Variants in HHAT observed in about 807,000 individuals in gnomAD.
HHAT encodes the protein hedgehog acyltransferase.
A neutral mutation model predicts 70.8 loss-of-function variants in HHAT; 47 were observed. The ratio of observed to expected loss-of-function variants is 0.66; its 90% CI spans 0.53 to 0.85. The LOEUF (loss-of-function observed/expected upper bound fraction) is 0.85, where lower values mean the gene tolerates loss of function less well. Among genes scored for constraint, HHAT ranks in the 40% least tolerant of loss-of-function variants. The probability of loss-of-function intolerance (pLI) is 0.00; values close to 1 mark genes in which losing one functional copy is unlikely to be tolerated. For synonymous variants in HHAT, 228 were observed against 247.6 expected, an observed-to-expected ratio of 0.92 and a Z score of 0.74; for missense variants, 609 against 604.8, an observed-to-expected ratio of 1.01 and a Z score of -0.07.
At chr1:210,637,984 A>G (rs1459652559) in intron 11 of HHAT, among the ~76,000 whole-genome samples, 1 of 152,232 alleles carries the variant, frequency 6.6e-6, no homozygotes, top group Non-Finnish European at 1.5e-5. Context: ...GCACATTAAA[A>G]CCGCAATAAG....
At chr1:210,433,232 C>T (rs1411031549) in intron 7 of HHAT, among the ~76,000 whole-genome samples, 1 of 151,764 alleles carries the variant, frequency 6.6e-6, no homozygotes, top group Non-Finnish European at 1.5e-5. Flanking sequence ...CTTTCTCCTG[C>T]AGCACTCACA....
At chr1:210,563,419 A>G (rs2095641741) in intron 9 of HHAT, among the ~76,000 whole-genome samples, 1 of 152,204 alleles carries the variant, frequency 6.6e-6, no homozygotes, top group Non-Finnish European at 1.5e-5. Flanking sequence ...AGGTGAAATC[A>G]GAGTAGAGTG....
intron 6 of HHAT, among the ~76,000 whole-genome samples, chr1:210,409,424 C>T (rs1363614290): frequency 6.6e-6 from 1 of 152,150 alleles, no homozygotes; most frequent in East Asian, 1.9e-4. Context: ...CTGCAGGCCC[C>T]ACTTGCTGTT....
At chr1:210,593,652 G>A (rs1262163683) in intron 10 of HHAT, among the ~76,000 whole-genome samples, 3 of 152,112 alleles carry the variant, frequency 2.0e-5, no homozygotes, top group Admixed American at 2.0e-4. Context: ...TGCAGCCATT[G>A]GTACAGAAAT....
intron 7 of HHAT, among the ~76,000 whole-genome samples, chr1:210,460,691 C>A (rs78595848): frequency 0.014 from 2,141 of 152,110 alleles, 65 homozygotes; most frequent in African/African-American, 0.049. Context: ...GAGATGAGAC[C>A]ATATTTGAGC....
chr1:210,520,228 G>A (rs1220637102), intron 9 of HHAT, among the ~76,000 whole-genome samples: 1 of 152,012 alleles, frequency 6.6e-6, no homozygotes, highest in Non-Finnish European at 1.5e-5. Context: ...TGTTGGCCAG[G>A]CTGGTCTCGA....
intron 11 of HHAT, among the ~76,000 whole-genome samples, chr1:210,639,845 CA>C (rs1376879212): frequency 1.3e-5 from 2 of 152,174 alleles, no homozygotes; most frequent in Non-Finnish European, 2.9e-5. Flanking sequence ...TATTGCCCAT[CA>C]GAGTCACCTG....
intron 11 of HHAT, among the ~76,000 whole-genome samples, chr1:210,645,480 A>G (rs565982914): frequency 2.2e-4 from 34 of 152,238 alleles, no homozygotes; most frequent in African/African-American, 8.2e-4. Flanking sequence ...GGGTTTCACC[A>G]TGTTAGCCAG....
rs11462087 is a variant in HHAT at position 210,406,400 on chromosome 1, C to CTT, written c.684+1731_684+1732dup. Among the ~76,000 whole-genome samples, 322 of 146,874 alleles carry CTT rather than the reference C, an allele frequency of 2.2e-3. 1 individual carries two copies. Among genetic ancestry groups the CTT allele is most frequent in the African/African-American group, 5.1e-3 (206 of 40,042 alleles). Reference sequence around the variant, plus strand: ...TGTTATTTCTCATCTCCTTTTTCTTCTTTTTTTTTTTGAGACAGAGTCTTA... The same window carrying CTT: ...TGTTATTTCTCATCTCCTTTTTCTTCTTTTTTTTTTTTTGAGACAGAGTCTTA... On this transcript the variant is annotated intron_variant, in intron 6 of 11. Coordinates refer to ENST00000261458, the MANE Select transcript of HHAT (RefSeq NM_018194.6).
At chr1:210,531,278 C>T (rs1295613121) in intron 9 of HHAT, among the ~76,000 whole-genome samples, 2 of 136,830 alleles carry the variant, frequency 1.5e-5, no homozygotes, top group Non-Finnish European at 3.0e-5. Context: ...CATGACTGTA[C>T]ATATGAACTA....
intron 8 of HHAT, among the ~76,000 whole-genome samples, chr1:210,476,306 A>G (rs1365740965): frequency 1.3e-5 from 2 of 152,234 alleles, no homozygotes; most frequent in Non-Finnish European, 2.9e-5. Flanking sequence ...ATTCTCTGAT[A>G]CTGTCCAACT....
intron 4 of HHAT, among the ~76,000 whole-genome samples, chr1:210,392,881 T>C (rs2091546891): frequency 6.6e-6 from 1 of 152,130 alleles, no homozygotes; most frequent in Non-Finnish European, 1.5e-5. Flanking sequence ...CCTCCCTCTT[T>C]CCAAACCTCC....
chr1:210,535,452 T>TGG (rs1319116614), intron 9 of HHAT, among the ~76,000 whole-genome samples: 41 of 151,288 alleles, frequency 2.7e-4, no homozygotes, highest in South Asian at 8.4e-4. Context: ...TGTGTGTGTG[T>TGG]GTGGGGTAAA....
At chr1:210,553,821 TC>T (rs1573271837) in intron 9 of HHAT, among the ~76,000 whole-genome samples, 1 of 152,174 alleles carries the variant, frequency 6.6e-6, no homozygotes, top group East Asian at 1.9e-4. Context: ...CCTCTTCCTC[TC>T]CCTGTATGGT....
chr1:210,542,483 T>G (rs187597944), intron 9 of HHAT, among the ~76,000 whole-genome samples: 1 of 133,380 alleles, frequency 7.5e-6, no homozygotes, highest in South Asian at 2.6e-4. Flanking sequence ...ATCAGTGTTT[T>G]AGTTAAAAAA....
chr1:210,352,512 C>T (rs1009661297), intron 2 of HHAT, among the ~76,000 whole-genome samples: 4 of 152,098 alleles, frequency 2.6e-5, no homozygotes, highest in East Asian at 3.9e-4. Context: ...CTGGAGCAAA[C>T]GTGCTGCCTA....
chr1:210,526,367 G>GTTTTTTTTTGTTTTGTTTTTTTTTTTTT (rs2095248850), intron 9 of HHAT, among the ~76,000 whole-genome samples: 2 of 142,334 alleles, frequency 1.4e-5, no homozygotes, highest in Non-Finnish European at 1.5e-5. Flanking sequence ...AGTGGGTTCT[G>GTTTTTTTTTGTTTTGTTTTTTTTTTTTT]TTTTTTTTTT....
At chr1:210,535,454 T>TGG (rs551596529) in intron 9 of HHAT, among the ~76,000 whole-genome samples, 156 of 150,462 alleles carry the variant, frequency 1.0e-3, no homozygotes, top group South Asian at 7.4e-3. Flanking sequence ...TGTGTGTGTG[T>TGG]GGGGTAAAAT....
intron 11 of HHAT, among the ~76,000 whole-genome samples, chr1:210,661,641 G>A (rs553009496): frequency 3.9e-5 from 6 of 152,274 alleles, no homozygotes; most frequent in Admixed American, 3.9e-4. Context: ...GCAAAAACTT[G>A]GAACCAACCC....
Sources: allele counts gnomAD v4.1 joint callset (sites outside exome capture counted in the v4.1 genomes callset), GRCh38; gene constraint gnomAD v4.1.1; transcripts MANE v1.5; gene names NCBI Gene and HGNC (gene_info 2026-07-23, HGNC 2026-07-21).